GMPR: variants seen among roughly 807,000 people sequenced by gnomAD.
GMPR encodes the protein GMP reductase 1.
A neutral mutation model predicts 38.4 loss-of-function variants in GMPR; 31 were observed. That is an observed-to-expected ratio of 0.81 (90% CI 0.61 to 1.09). The LOEUF is 1.09. Among genes scored for constraint, GMPR ranks in the 50% least tolerant of loss-of-function variants. The pLI, the probability that GMPR is intolerant of heterozygous loss-of-function variation, is 0.00. For missense variants in GMPR, 468 were observed against 453.7 expected, an observed-to-expected ratio of 1.03 and a Z score of -0.29; for synonymous variants, 162 against 173.3, an observed-to-expected ratio of 0.93 and a Z score of 0.51.
chr6:16,261,248 C>T (rs914693515), intron 4 of GMPR, among the ~76,000 whole-genome samples: 3 of 151,924 alleles, frequency 2.0e-5, no homozygotes, highest in African/African-American at 7.2e-5. Flanking sequence ...ATTAATTGGA[C>T]ACTATCAGCA....
In GMPR at chr6:16,238,779, A is replaced by G; in HGVS notation, c.86A>G (p.Glu29Gly). The G allele has an allele frequency of 6.9e-7, 1 of 1,447,064 alleles. No homozygotes were observed. Among genetic ancestry groups the G allele is most frequent in the South Asian group, 1.4e-5 (1 of 72,700 alleles). The allele number at this position is 1,447,064 out of a possible 1,614,324, so 89.6% of individuals were successfully genotyped here. The change falls in exon 1 of 9, where the codon GAG becomes GGG. Residue 29 changes from glutamate to glycine, a missense_variant and splice_region_variant. Glu to Gly is a moderately conservative substitution (Grantham distance 98). Coordinates refer to ENST00000259727, the MANE Select transcript of GMPR (RefSeq NM_006877.4). ...PKRSSLKSRA[E>G]VDLERTFTFR... ...CGGAGCAGCCTCAAGAGCCGAGCCG[A>G]GGTGGGGGACGTTCGGAAGTCGCAG...
At chr6:16,265,809 G>A (rs1246858807) in intron 4 of GMPR, among the ~76,000 whole-genome samples, 6 of 152,248 alleles carry the variant, frequency 3.9e-5, no homozygotes, top group South Asian at 2.1e-4. Flanking sequence ...ACCCACTCCG[G>A]AACCCTTCCA....
chr6:16,247,053 A>G lies in GMPR; in HGVS notation c.207+92A>G, dbSNP rs576991943. 1.3e-5 allele frequency: 16 copies of G among 1,242,342 alleles called. No individual in the cohort carries two copies. In the African/African-American group the frequency reaches 1.5e-4, roughly 12 times the overall value. 77.0% of individuals were successfully genotyped at this position (1,242,342 alleles called of 1,614,324 possible). A position where few individuals can be genotyped will look rare whatever the true frequency, so the allele number is the denominator to read the frequency against. ...CCCTGGCTTTATTCAGACACAAGGA[A>G]GAGTAGAAATGTGAGCTGCTTTGGG... On this transcript the variant is annotated intron_variant, in intron 2 of 8. Transcript: ENST00000259727.
chr6:16,254,537 G>A lies in GMPR; in HGVS notation c.292-25G>A, dbSNP rs189278582. On this transcript the variant is annotated intron_variant, in intron 3 of 8. Coordinates refer to ENST00000259727, the MANE Select transcript of GMPR (RefSeq NM_006877.4). The stretch of plus-strand genomic sequence containing the variant: ...TGTCTGAATGCTACTGTTTATGCCT[G>A]TCTTCTTGGTTTATTTTGGTGCAGA... 1.8e-4 allele frequency: 297 copies of A among 1,607,496 alleles called. 1 individual carries two copies. In the African/African-American group the frequency reaches 3.3e-3, roughly 18 times the overall value.
intron 4 of GMPR, among the ~76,000 whole-genome samples, chr6:16,261,973 G>A (rs1363543684): frequency 6.6e-6 from 1 of 151,850 alleles, no homozygotes; most frequent in African/African-American, 2.4e-5. Context: ...CCTAATAAGG[G>A]AACTGGGCAG....
At position 16,293,446 on chromosome 6, in the gene GMPR, C is replaced by T. The variant is rs562658341; in HGVS notation, c.858-1560C>T. 2.7e-4 allele frequency among the ~76,000 whole-genome samples: 41 copies of T among 152,314 alleles called. No homozygotes were observed. The South Asian group carries it at 4.8e-3, about 18-fold the overall frequency. On this transcript the variant is annotated intron_variant, in intron 8 of 8. Coordinates refer to ENST00000259727, the MANE Select transcript of GMPR (RefSeq NM_006877.4). ...GCTTCCTGAGCTTGGGGCTCTAAAC[C>T]GGCTGATGGTTTAAGTAGCTGGATT...
At chr6:16,288,434 C>T (rs1460721243) in intron 7 of GMPR, among the ~76,000 whole-genome samples, 3 of 152,228 alleles carry the variant, frequency 2.0e-5, no homozygotes, top group Non-Finnish European at 4.4e-5. Flanking sequence ...GGTCCTCCAG[C>T]AGTGCCAGCC....
chr6:16,254,653 T>C lies in GMPR; in HGVS notation c.383T>C (p.Leu128Pro). The change falls in exon 4 of 9, where the codon CTG (leucine) becomes CCG (proline). Residue 128 changes from leucine (L) to proline (P), a missense_variant. Transcript: ENST00000259727. ...GTGCCACAGGTTAAGTTTATTTGCC[T>C]GGATGTGGCCAATGGGTATTCAGAA... ...EAVPQVKFIC[L>P]DVANGYSEHF... 3 of 1,613,368 alleles carry C rather than the reference T, an allele frequency of 1.9e-6. No homozygotes were observed. The highest frequency in any genetic ancestry group is 2.5e-6 in the Non-Finnish European group (3 of 1,179,242).
chr6:16,240,080 G>A (rs1386657290), intron 1 of GMPR, among the ~76,000 whole-genome samples: 3 of 152,166 alleles, frequency 2.0e-5, no homozygotes, highest in African/African-American at 4.8e-5. Flanking sequence ...GAAATAGGGG[G>A]ATTCTGGATG....
chr6:16,293,238 C>T (rs1258392532), intron 8 of GMPR, among the ~76,000 whole-genome samples: 3 of 152,174 alleles, frequency 2.0e-5, no homozygotes, highest in South Asian at 2.1e-4. Context: ...TTGTAAAAGG[C>T]GACACCACCA....
At chr6:16,290,889 C>T (rs986203148) in intron 8 of GMPR, among the ~76,000 whole-genome samples, 1 of 152,180 alleles carries the variant, frequency 6.6e-6, no homozygotes, top group African/African-American at 2.4e-5. Flanking sequence ...GGGAATACTT[C>T]AGACCTCTGG....
chr6:16,288,573 C>T (rs1311055899), intron 7 of GMPR, among the ~76,000 whole-genome samples: 3 of 152,280 alleles, frequency 2.0e-5, no homozygotes, highest in African/African-American at 7.2e-5. Context: ...CGGGAGCCTC[C>T]CTAATGAGCG....
At chr6:16,254,440 T>C in intron 3 of GMPR, 122 bp from the exon 4 acceptor site, 1 of 751,266 alleles carries the variant, frequency 1.3e-6, no homozygotes, top group Non-Finnish European at 2.3e-6. Flanking sequence ...GCACTGTGCA[T>C]TTGATTAGGG....
rs1759835215 is a variant in GMPR at position 16,291,169 on chromosome 6, G to A, written c.857+548G>A. ...GCAGCATTTTCAGCCATTCAGTTGT[G>A]TCATCCACTGTAGAAGTGGGGCTTA... On this transcript the variant is annotated intron_variant, in intron 8 of 8. Transcript: ENST00000259727. 1.3e-5 allele frequency among the ~76,000 whole-genome samples: 2 copies of A among 152,144 alleles called. 1 individual carries two copies. The highest frequency in any genetic ancestry group is 4.1e-4 in the South Asian group (2 of 4,820).
At chr6:16,294,551 G>T (rs1351532876) in intron 8 of GMPR, among the ~76,000 whole-genome samples, 1 of 152,220 alleles carries the variant, frequency 6.6e-6, no homozygotes, top group Non-Finnish European at 1.5e-5. Context: ...AGGACAGGAG[G>T]CTGTTTCCAG....
chr6:16,279,044 G>A (rs1205513942), intron 6 of GMPR, among the ~76,000 whole-genome samples, 154 bp downstream of exon 6: 1 of 152,244 alleles, frequency 6.6e-6, no homozygotes, highest in African/African-American at 2.4e-5. Context: ...AGGCCCTGCT[G>A]CCCACGGATT....
At chr6:16,258,915 C>T (rs540701869) in intron 4 of GMPR, among the ~76,000 whole-genome samples, 1 of 152,276 alleles carries the variant, frequency 6.6e-6, no homozygotes, top group Non-Finnish European at 1.5e-5. Context: ...CACAAACGTT[C>T]CAGGAAGAAG....
intron 4 of GMPR, among the ~76,000 whole-genome samples, chr6:16,265,641 A>AGCTAAAGCAGCG (rs1561826326): frequency 2.1e-4 from 30 of 145,894 alleles, no homozygotes; most frequent in Admixed American, 9.6e-4. Flanking sequence ...CTAAAGCAGC[A>AGCTAAAGCAGCG]CTGTGTCTAG....
At chr6:16,246,553 C>T (rs3818406) in intron 1 of GMPR, among the ~76,000 whole-genome samples, 2 of 151,716 alleles carry the variant, frequency 1.3e-5, no homozygotes, top group East Asian at 3.9e-4. Context: ...ATAGGGCTTG[C>T]GGGTGGGGCG....
Sources: allele counts gnomAD v4.1 joint callset (sites outside exome capture counted in the v4.1 genomes callset), GRCh38; gene constraint gnomAD v4.1.1; transcripts MANE v1.5; gene names NCBI Gene and HGNC (gene_info 2026-07-23, HGNC 2026-07-21).